Variants in ATRX observed in about 807,000 individuals in gnomAD.
ATRX encodes the protein chromatin remodeler ATRX.
Under a neutral mutation model 172.6 loss-of-function variants are expected in ATRX, and 12 were observed. The observed-to-expected ratio is 0.07, with a 90% CI of 0.04 to 0.11. The LOEUF (loss-of-function observed/expected upper bound fraction) is 0.11. Among genes scored for constraint, ATRX ranks in the 10% least tolerant of loss-of-function variants. The pLI is 1.00. For synonymous variants in ATRX, 674 were observed against 594.7 expected (o/e 1.13, Z -1.94); for missense variants, 1,368 against 1,767.4 (o/e 0.77, Z 4.05).
chrX:77,613,966 T>A (rs1186658802), intron 22 of ATRX, among the ~76,000 whole-genome samples: 1 of 111,846 alleles, frequency 8.9e-6, no homozygotes, highest in African/African-American at 3.2e-5. Flanking sequence ...AGAATTACAC[T>A]GAAAAAAAGA....
intron 1 of ATRX, among the ~76,000 whole-genome samples, chrX:77,738,547 CTCTTT>C (rs1321024165): frequency 2.0e-5 from 2 of 97,862 alleles, no homozygotes; most frequent in East Asian, 3.3e-4. Flanking sequence ...TTTTTTGTTT[CTCTTT>C]TGTGTCTTTT....
chrX:77,643,492 C>CAGCCACCTCAACCGATCT (rs782297050), intron 15 of ATRX, among the ~76,000 whole-genome samples: 12 of 111,107 alleles, frequency 1.1e-4, no homozygotes, highest in African/African-American at 2.6e-4. Flanking sequence ...TGAATTGATC[C>CAGCCACCTCAACCGATCT]AGCCACCTCA....
chrX:77,764,885 T>C (rs782382539), intron 1 of ATRX, among the ~76,000 whole-genome samples: 139 of 112,088 alleles, frequency 1.2e-3, no homozygotes, highest in Non-Finnish European at 1.6e-3. Context: ...ACTTTTCCAA[T>C]CAAAAACAAC....
intron 27 of ATRX, among the ~76,000 whole-genome samples, chrX:77,579,919 A>G (rs1382674556): frequency 8.9e-6 from 1 of 112,271 alleles, no homozygotes; most frequent in East Asian, 2.8e-4. Context: ...AAGATAACAC[A>G]GGAGGAATTC....
chrX:77,641,010 A>G (rs188599492), intron 15 of ATRX, among the ~76,000 whole-genome samples: 22 of 111,403 alleles, frequency 2.0e-4, no homozygotes, highest in African/African-American at 6.9e-4. Flanking sequence ...CTTCGTTTAT[A>G]ACCCAGGGCA....
chrX:77,534,452 C>T (rs782755803), intron 30 of ATRX, among the ~76,000 whole-genome samples: 7 of 111,889 alleles, frequency 6.3e-5, no homozygotes, highest in Non-Finnish European at 1.1e-4. Flanking sequence ...CATCCCAATA[C>T]ACAACACAAC....
intron 1 of ATRX, among the ~76,000 whole-genome samples, chrX:77,771,315 G>A (rs781842002): frequency 9.3e-6 from 1 of 107,864 alleles, no homozygotes; most frequent in East Asian, 2.9e-4. Context: ...GGCGGAGGTT[G>A]CAGTGAGCCG....
intron 19 of ATRX, among the ~76,000 whole-genome samples, chrX:77,632,419 GGAAA>G (rs1437100539): frequency 1.8e-5 from 2 of 110,901 alleles, no homozygotes; most frequent in Non-Finnish European, 3.8e-5. Context: ...TTTAATCGTG[GGAAA>G]GAGATAAACT....
At chrX:77,521,187 G>T in intron 33 of ATRX, 1 of 436,674 alleles carries the variant, frequency 2.3e-6, no homozygotes. Flanking sequence ...TTCCATGTTT[G>T]ATTTCTCAAT....
intron 1 of ATRX, among the ~76,000 whole-genome samples, chrX:77,754,159 C>G (rs1557188958): frequency 1.8e-5 from 2 of 111,073 alleles, no homozygotes; most frequent in African/African-American, 6.5e-5. Flanking sequence ...GATTACAACA[C>G]CCCTTTTTTT....
chrX:77,607,070 T>G (rs1426897831), intron 22 of ATRX, among the ~76,000 whole-genome samples: 1 of 111,697 alleles, frequency 9.0e-6, no homozygotes, highest in African/African-American at 3.3e-5. Flanking sequence ...TCTAAGATCT[T>G]GAACACAACA....
At chrX:77,651,067 A>G (rs782817550) in intron 15 of ATRX, among the ~76,000 whole-genome samples, 5 of 109,111 alleles carry the variant, frequency 4.6e-5, no homozygotes, top group Non-Finnish European at 9.5e-5. Context: ...GAATAGATGA[A>G]ACGGCCAGGC....
At chrX:77,754,800 C>T (rs782293407) in intron 1 of ATRX, among the ~76,000 whole-genome samples, 35 of 111,417 alleles carry the variant, frequency 3.1e-4, no homozygotes, top group African/African-American at 1.0e-3. Flanking sequence ...GAGAATCTGA[C>T]GATTATGTGT....
At chrX:77,689,084 C>T (rs782500002) in intron 6 of ATRX, among the ~76,000 whole-genome samples, 157 bp from the exon 7 acceptor site, 1 of 112,280 alleles carries the variant, frequency 8.9e-6, no homozygotes, top group South Asian at 3.6e-4. Flanking sequence ...AATATTTTAT[C>T]GACTTACTAA....
intron 1 of ATRX, among the ~76,000 whole-genome samples, chrX:77,734,158 G>C (rs1246298282): frequency 9.0e-6 from 1 of 110,749 alleles, no homozygotes; most frequent in Non-Finnish European, 1.9e-5. Flanking sequence ...AGTGAGCCGA[G>C]ATCGTGCCAG....
At chrX:77,651,217 C>CA (rs1170232589) in intron 15 of ATRX, among the ~76,000 whole-genome samples, 2,600 of 16,454 alleles carry the variant, frequency 0.16, 891 homozygotes, top group Non-Finnish European at 0.2. Context: ...AACTCCATCT[C>CA]AAAAAAAAAA....
chrX:77,615,297 C>A (rs1454695010), intron 22 of ATRX, among the ~76,000 whole-genome samples: 2 of 111,321 alleles, frequency 1.8e-5, no homozygotes, highest in Non-Finnish European at 3.8e-5. Flanking sequence ...CCATGCTCAG[C>A]CTATGATTGG....
chrX:77,597,484 C>CA (rs1161130304), intron 25 of ATRX, among the ~76,000 whole-genome samples: 58 of 104,167 alleles, frequency 5.6e-4, no homozygotes, highest in South Asian at 1.2e-3. Context: ...CACAAAATAA[C>CA]AAAAAAAAAA....
intron 12 of ATRX, among the ~76,000 whole-genome samples, chrX:77,661,000 C>T (rs1603127661): frequency 1.8e-5 from 2 of 112,053 alleles, no homozygotes; most frequent in Non-Finnish European, 1.9e-5. Flanking sequence ...TCATCAACTA[C>T]AGCAATACCT....
Sources: gnomAD v4.1 joint callset for allele counts (sites outside exome capture counted in the v4.1 genomes callset) on GRCh38, gnomAD v4.1.1 for gene constraint, MANE v1.5 for transcripts, NCBI Gene and HGNC (gene_info 2026-07-23, HGNC 2026-07-21) for gene names.